The following CSGALNACT1 variants were observed in gnomAD, a reference collection of about 807,000 sequenced individuals.
CSGALNACT1 encodes chondroitin sulfate N-acetylgalactosaminyltransferase 1, also known as beta4GalNAcT-1.
Under a neutral mutation model 51.0 loss-of-function variants are expected in CSGALNACT1, and 52 were observed. The ratio of observed to expected loss-of-function variants is 1.02; its 90% CI spans 0.82 to 1.29. The LOEUF is 1.29. Ranked by LOEUF, CSGALNACT1 falls within the 50% of genes most tolerant of loss-of-function variation. The pLI, the probability that CSGALNACT1 is intolerant of heterozygous loss-of-function variation, is 0.00. For missense variants in CSGALNACT1, 935 were observed against 679.2 expected, an observed-to-expected ratio of 1.38 and a Z score of -4.19; for synonymous variants, 341 against 254.4, an observed-to-expected ratio of 1.34 and a Z score of -3.24.
chr8:19,487,999 G>A (rs918221284), intron 4 of CSGALNACT1, among the ~76,000 whole-genome samples: 7 of 152,030 alleles, frequency 4.6e-5, no homozygotes, highest in Non-Finnish European at 1.0e-4. Flanking sequence ...CTCACATACT[G>A]TAAGCACACA....
At chr8:19,497,381 G>A (rs993614578) in intron 4 of CSGALNACT1, among the ~76,000 whole-genome samples, 1 of 152,034 alleles carries the variant, frequency 6.6e-6, no homozygotes, top group Non-Finnish European at 1.5e-5. Context: ...TCTCAAAAGG[G>A]ATTTGAAGTC....
At chr8:19,664,156 TC>T (rs1466632866) in intron 1 of CSGALNACT1, among the ~76,000 whole-genome samples, 2 of 152,206 alleles carry the variant, frequency 1.3e-5, no homozygotes, top group African/African-American at 4.8e-5. Context: ...TCCTAAATGT[TC>T]CTTAGACTCA....
chr8:19,489,954 G>C (rs764672542), intron 4 of CSGALNACT1, among the ~76,000 whole-genome samples: 3 of 152,156 alleles, frequency 2.0e-5, no homozygotes, highest in Non-Finnish European at 4.4e-5. Flanking sequence ...ATGGTACCAA[G>C]AAAAGCAAAA....
At chr8:19,507,549 A>G (rs2077592446) in intron 3 of CSGALNACT1, among the ~76,000 whole-genome samples, 1 of 151,296 alleles carries the variant, frequency 6.6e-6, no homozygotes. Flanking sequence ...AAAAAAAAAA[A>G]AAAGAATGAT....
At chr8:19,427,667 A>G (rs1454149366) in intron 6 of CSGALNACT1, among the ~76,000 whole-genome samples, 3 of 152,186 alleles carry the variant, frequency 2.0e-5, no homozygotes, top group Admixed American at 6.5e-5. Context: ...GGGCACCTGT[A>G]GTCCCAGCTA....
intron 1 of CSGALNACT1, among the ~76,000 whole-genome samples, chr8:19,744,018 T>C (rs188985181): frequency 1.3e-5 from 2 of 152,328 alleles, no homozygotes; most frequent in Admixed American, 6.5e-5. Flanking sequence ...GACCAGACTA[T>C]TATTCTGAAT....
chr8:19,664,662 CACAT>C (rs889662127), intron 1 of CSGALNACT1, among the ~76,000 whole-genome samples: 6 of 144,800 alleles, frequency 4.1e-5, no homozygotes, highest in East Asian at 2.0e-4. Context: ...CACACACACA[CACAT>C]ACACACATAC....
At chr8:19,717,907 A>G (rs2062902190) in intron 1 of CSGALNACT1, among the ~76,000 whole-genome samples, 1 of 152,120 alleles carries the variant, frequency 6.6e-6, no homozygotes, top group Admixed American at 6.5e-5. Flanking sequence ...AGTCTAGGCT[A>G]GCCTCAGGCA....
exon 4 of CSGALNACT1, chr8:19,505,463 C>A: frequency 1.2e-6 from 2 of 1,614,198 alleles, no homozygotes; most frequent in Non-Finnish European, 1.7e-6. Flanking sequence ...CCTGCGAGTG[C>A]AGGAAGGCCA....
At chr8:19,558,804 A>T (rs1022717791) in intron 3 of CSGALNACT1, among the ~76,000 whole-genome samples, 1 of 152,166 alleles carries the variant, frequency 6.6e-6, no homozygotes, top group Non-Finnish European at 1.5e-5. Flanking sequence ...TATTAAAAAA[A>T]TGGTTTCAGG....
At chr8:19,673,921 T>C (rs917803423) in intron 1 of CSGALNACT1, among the ~76,000 whole-genome samples, 1 of 152,186 alleles carries the variant, frequency 6.6e-6, no homozygotes, top group African/African-American at 2.4e-5. Context: ...CCAAAATATA[T>C]TACTGAAAAG....
chr8:19,405,529 T>G lies in CSGALNACT1; in HGVS notation c.*251A>C, dbSNP rs1401658083. The G allele has an allele frequency of 4.6e-6, 3 of 646,376 alleles. No individual in the cohort carries two copies. The African/African-American group carries it at 5.3e-5, about 12-fold the overall frequency. The allele number at this position is 646,376 out of a possible 1,614,324, so 40.0% of individuals were successfully genotyped here. ...ATCAAAACCTCCACACCATTAGGCT[T>G]ATAATCTCACAAGCATTCTGCCTTT... is the stretch of plus-strand genomic sequence containing the variant. On this transcript the variant is annotated 3_prime_UTR_variant, in exon 10 of 10. Transcript: ENST00000454498.
intron 3 of CSGALNACT1, among the ~76,000 whole-genome samples, chr8:19,542,000 C>T (rs940832136): frequency 2.0e-5 from 3 of 152,026 alleles, no homozygotes; most frequent in Non-Finnish European, 4.4e-5. Context: ...GATGTGTTTA[C>T]ACAAAAGAAG....
intron 1 of CSGALNACT1, among the ~76,000 whole-genome samples, chr8:19,707,523 A>G (rs1211395507): frequency 6.6e-6 from 1 of 152,210 alleles, no homozygotes; most frequent in Non-Finnish European, 1.5e-5. Flanking sequence ...GAACCAGTAC[A>G]TGCCTAGAGT....
intron 4 of CSGALNACT1, among the ~76,000 whole-genome samples, chr8:19,472,510 A>G (rs1275252240): frequency 6.6e-6 from 1 of 152,242 alleles, no homozygotes; most frequent in East Asian, 1.9e-4. Context: ...AGTATCTTTC[A>G]AAGAGGTAAG....
chr8:19,744,135 C>G (rs2064495621), intron 1 of CSGALNACT1, among the ~76,000 whole-genome samples: 1 of 152,180 alleles, frequency 6.6e-6, no homozygotes, highest in Admixed American at 6.5e-5. Context: ...GTGCACAAAT[C>G]AGGCTCGATA....
chr8:19,612,959 A>AAAAAAAAG (rs2052489536), intron 1 of CSGALNACT1, among the ~76,000 whole-genome samples: 1 of 136,822 alleles, frequency 7.3e-6, no homozygotes, highest in Non-Finnish European at 1.5e-5. Flanking sequence ...AAAAAAAAAA[A>AAAAAAAAG]AAAAAAAAAA....
intron 3 of CSGALNACT1, among the ~76,000 whole-genome samples, chr8:19,507,848 C>G (rs1458476177): frequency 6.6e-6 from 1 of 152,200 alleles, no homozygotes; most frequent in Non-Finnish European, 1.5e-5. Flanking sequence ...AGGATGGTCT[C>G]TATCTCCTGA....
intron 1 of CSGALNACT1, among the ~76,000 whole-genome samples, chr8:19,669,191 T>A (rs183343024): frequency 6.6e-6 from 1 of 152,302 alleles, no homozygotes; most frequent in African/African-American, 2.4e-5. Context: ...ATTTCCCCAA[T>A]AGGAATTTGA....
Sources: allele counts gnomAD v4.1 joint callset (sites outside exome capture counted in the v4.1 genomes callset), GRCh38; gene constraint gnomAD v4.1.1; transcripts MANE v1.5; gene names NCBI Gene and HGNC (gene_info 2026-07-23, HGNC 2026-07-21).